Variants in AGO2 observed in about 807,000 individuals in gnomAD.
AGO2 encodes the protein argonaute RISC catalytic component 2, also known as protein argonaute-2.
Under a neutral mutation model 102.3 loss-of-function variants are expected in AGO2, and 5 were observed. The ratio of observed to expected loss-of-function variants is 0.05; its 90% CI spans 0.03 to 0.10. AGO2 has a LOEUF of 0.10. Ranked by LOEUF, AGO2 falls within the 10% of genes least tolerant of loss-of-function variation. The pLI, the probability that AGO2 is intolerant of heterozygous loss-of-function variation, is 1.00. For missense variants in AGO2, 541 were observed against 1,183.7 expected (o/e 0.46, Z 7.97); for synonymous variants, 449 against 473.1 (o/e 0.95, Z 0.66).
At chr8:140,630,791 C>T (rs932059991) in intron 1 of AGO2, among the ~76,000 whole-genome samples, 2 of 152,210 alleles carry the variant, frequency 1.3e-5, no homozygotes, top group African/African-American at 4.8e-5. Flanking sequence ...AAGAGGACCA[C>T]AAAAAGGATT....
chr8:140,640,004 AT>A (rs35545003), upstream of AGO2, among the ~76,000 whole-genome samples: 1 of 151,006 alleles, frequency 6.6e-6, no homozygotes, highest in African/African-American at 2.4e-5. Flanking sequence ...TCAAGTTGCC[AT>A]TTTTTTTTAA....
At chr8:140,556,704 A>G (rs1235073358) in intron 8 of AGO2, among the ~76,000 whole-genome samples, 2 of 152,170 alleles carry the variant, frequency 1.3e-5, no homozygotes, top group Admixed American at 1.3e-4. Flanking sequence ...CACCAAGGGA[A>G]GAGTTACAGC....
chr8:140,635,698 GGGAGGAAGGA>G (rs955129523), upstream of AGO2: 1 of 167,378 alleles, frequency 6.0e-6, no homozygotes, highest in African/African-American at 2.5e-5. Context: ...GGAGGGGCGG[GGGAGGAAGGA>G]GGAGGGAGGG....
At chr8:140,591,015 C>A (rs537255401) in intron 1 of AGO2, among the ~76,000 whole-genome samples, 1 of 152,340 alleles carries the variant, frequency 6.6e-6, no homozygotes, top group Admixed American at 6.5e-5. Flanking sequence ...TTTGCCTTCA[C>A]TCCCTTGGGC....
chr8:140,548,705 C>G (rs71514683), intron 12 of AGO2, among the ~76,000 whole-genome samples: 7 of 152,302 alleles, frequency 4.6e-5, no homozygotes, highest in South Asian at 2.1e-4. Context: ...TGGACTTTGG[C>G]GAAACTCCAC....
intron 1 of AGO2, among the ~76,000 whole-genome samples, chr8:140,610,313 C>T (rs1332271922): frequency 1.3e-5 from 2 of 152,062 alleles, no homozygotes; most frequent in East Asian, 1.9e-4. Context: ...CTCTGCTTCC[C>T]GGGCTCAAGC....
At chr8:140,587,157 C>T (rs928465766) in intron 1 of AGO2, among the ~76,000 whole-genome samples, 3 of 152,182 alleles carry the variant, frequency 2.0e-5, no homozygotes, top group Admixed American at 1.3e-4. Context: ...AAGCCTTCCC[C>T]GAGACTACCT....
intron 2 of AGO2, among the ~76,000 whole-genome samples, chr8:140,583,236 A>T (rs1034691218): frequency 1.3e-5 from 2 of 152,226 alleles, no homozygotes; most frequent in Non-Finnish European, 2.9e-5. Context: ...CCTGATTATA[A>T]GGCTTTCAGA....
intron 1 of AGO2, among the ~76,000 whole-genome samples, chr8:140,632,494 T>C (rs1588522442): frequency 6.6e-6 from 1 of 152,240 alleles, no homozygotes; most frequent in Admixed American, 6.5e-5. Flanking sequence ...TTTAGACAAC[T>C]GTCAAGTCTT....
intron 1 of AGO2, among the ~76,000 whole-genome samples, chr8:140,627,640 TG>T (rs2074293621): frequency 6.6e-6 from 1 of 152,222 alleles, no homozygotes; most frequent in African/African-American, 2.4e-5. Context: ...TTGCTGCAGT[TG>T]TGTTTGTTTT....
chr8:140,618,070 T>C lies in AGO2; in HGVS notation c.22+17415A>G, dbSNP rs535583283. On this transcript the variant is annotated intron_variant, in intron 1 of 18. Transcript: ENST00000220592. The stretch of plus-strand genomic sequence containing the variant: ...TGTAATCCCAGCACTTTGGGAGGCC[T>C]AGACGGGCAGATCACGAGGTCAGGA... 3.9e-3 allele frequency among the ~76,000 whole-genome samples: 589 copies of C among 149,738 alleles called. 4 individuals carry two copies. The highest frequency in any genetic ancestry group is 5.8e-3 in the Non-Finnish European group (393 of 67,434).
intron 1 of AGO2, among the ~76,000 whole-genome samples, chr8:140,627,470 A>G (rs538587999): frequency 6.6e-6 from 1 of 152,320 alleles, no homozygotes; most frequent in East Asian, 1.9e-4. Context: ...CTAACTCTCT[A>G]AGGACAAAAC....
chr8:140,599,438 ACG>A (rs900066512), intron 1 of AGO2, among the ~76,000 whole-genome samples: 4 of 152,174 alleles, frequency 2.6e-5, no homozygotes, highest in Admixed American at 6.5e-5. Context: ...GATGATGAAG[ACG>A]AAGCCTGCCC....
At chr8:140,641,229 G>A in the AGO2 span, among the ~76,000 whole-genome samples, 1 of 151,794 alleles carries the variant, frequency 6.6e-6, no homozygotes, top group Non-Finnish European at 1.5e-5. Context: ...GGAGGCTGAG[G>A]ATGCAGTGAG....
At chr8:140,590,118 C>A (rs1396360180) in intron 1 of AGO2, among the ~76,000 whole-genome samples, 1 of 152,190 alleles carries the variant, frequency 6.6e-6, no homozygotes, top group East Asian at 1.9e-4. Context: ...CCACGGTGAG[C>A]CGAAGTCAAA....
chr8:140,629,264 C>A (rs2152110764), intron 1 of AGO2, among the ~76,000 whole-genome samples: 1 of 152,300 alleles, frequency 6.6e-6, no homozygotes, highest in South Asian at 2.1e-4. Context: ...GCTGTCACTG[C>A]AGGCCTCCAG....
chr8:140,554,628 T>G (rs1564083329), intron 10 of AGO2, among the ~76,000 whole-genome samples: 1 of 152,134 alleles, frequency 6.6e-6, no homozygotes, highest in Non-Finnish European at 1.5e-5. Context: ...AAAAGATACT[T>G]TTTCCTTTAA....
chr8:140,597,922 A>C (rs901894423), intron 1 of AGO2, among the ~76,000 whole-genome samples: 4 of 152,204 alleles, frequency 2.6e-5, no homozygotes, highest in Non-Finnish European at 4.4e-5. Flanking sequence ...GGACCAAGAG[A>C]TGACCCTGCC....
In AGO2 at chr8:140,567,095, A is replaced by T. The variant is rs927339740; in HGVS notation, c.337-4461T>A. Among the ~76,000 whole-genome samples, 2 of 152,230 alleles carry T rather than the reference A, an allele frequency of 1.3e-5. No individual in the cohort carries two copies. The highest frequency in any genetic ancestry group is 4.8e-5 in the African/African-American group (2 of 41,456). On this transcript the variant is annotated intron_variant, in intron 3 of 18. Coordinates refer to ENST00000220592, the MANE Select transcript of AGO2 (RefSeq NM_012154.5). This position sits in a 1 kb window ranked among gnomAD's most constrained non-coding sequence, Gnocchi z 5.0. ...CCTTTCAAAAACCTCTGTAGTCAACACCGAGGGGCAATGGCAAGGGGTCTA... is the reference window on the plus strand; with the variant it reads ...CCTTTCAAAAACCTCTGTAGTCAACTCCGAGGGGCAATGGCAAGGGGTCTA...
Sources: gnomAD v4.1 joint callset for allele counts (sites outside exome capture counted in the v4.1 genomes callset) on GRCh38, gnomAD v4.1.1 for gene constraint, Gnocchi (gnomAD v3.1) non-coding constraint, MANE v1.5 for transcripts, NCBI Gene and HGNC (gene_info 2026-07-23, HGNC 2026-07-21) for gene names.